The following VAV2 variants were observed in gnomAD, a reference collection of about 807,000 sequenced individuals.
VAV2 encodes guanine nucleotide exchange factor VAV2.
Under a neutral mutation model 132.5 loss-of-function variants are expected in VAV2, and 67 were observed. The ratio of observed to expected loss-of-function variants is 0.51; its 90% CI spans 0.42 to 0.62. VAV2 has a LOEUF of 0.62. Among genes scored for constraint, VAV2 ranks in the 20% least tolerant of loss-of-function variants. The pLI, the probability that VAV2 is intolerant of heterozygous loss-of-function variation, is 0.00. For missense variants in VAV2, 938 were observed against 1,153.6 expected, an observed-to-expected ratio of 0.81 and a Z score of 2.71; for synonymous variants, 492 against 443.5, an observed-to-expected ratio of 1.11 and a Z score of -1.37.
rs574097177 is a variant in VAV2 at position 133,905,280 on chromosome 9, C to CA, written c.321+33822dup. Among the ~76,000 whole-genome samples the CA allele has an allele frequency of 8.3e-4, 119 of 142,920 alleles. 1 individual carries two copies. Among genetic ancestry groups the CA allele is most frequent in the Middle Eastern group, 7.0e-3 (2 of 284 alleles). 93.8% of individuals were successfully genotyped at this position (142,920 alleles called of 152,430 possible). A position where few individuals can be genotyped will look rare whatever the true frequency, so the allele number is the denominator to read the frequency against. On this transcript the variant is annotated intron_variant, in intron 2 of 29. Transcript: ENST00000371850. ...CCCATCTCTACTAAAAAAAAAAATA[C>CA]AAAAAATTAGCCGGGCGTGGTGGCG...
rs569528227 is a variant in VAV2 at position 133,823,786 on chromosome 9, C to G, written c.449+10486G>C. Among the ~76,000 whole-genome samples, 1 of 152,134 alleles carries G rather than the reference C, an allele frequency of 6.6e-6. No homozygotes were observed. On this transcript the variant is annotated intron_variant, in intron 4 of 29. Transcript: ENST00000371850. The surrounding 1 kb of genome is among the most constrained non-coding windows in gnomAD (Gnocchi z 5.5). ...AATGAGACCAGAGAGTTGCTGTGAC[C>G]GAATCAGTCCTGAAAGCACTCGAGT...
rs183985166 is a variant in VAV2 at position 133,818,234 on chromosome 9, C to T, written c.450-6018G>A. On this transcript the variant is annotated intron_variant, in intron 4 of 29. Transcript: ENST00000371850. Reference sequence around the variant, plus strand: ...ACAAAAAATTAGCCAGGCATGGTGGCGGGCACCTGAAGTCCCAGCTACTCA... The same window carrying T: ...ACAAAAAATTAGCCAGGCATGGTGGTGGGCACCTGAAGTCCCAGCTACTCA... Among the ~76,000 whole-genome samples the T allele has an allele frequency of 8.2e-3, 1,247 of 152,100 alleles. 10 individuals are homozygous for T. Among genetic ancestry groups the T allele is most frequent in the Non-Finnish European group, 0.013 (896 of 67,976 alleles).
At chr9:133,842,235 C>T (rs1404979370) in intron 3 of VAV2, among the ~76,000 whole-genome samples, 2 of 152,176 alleles carry the variant, frequency 1.3e-5, no homozygotes, top group African/African-American at 4.8e-5. Context: ...TCCACTTGGC[C>T]GGTACAGAAA....
At chr9:133,820,322 TC>T (rs1486825716) in intron 4 of VAV2, among the ~76,000 whole-genome samples, 8 of 148,862 alleles carry the variant, frequency 5.4e-5, no homozygotes, top group African/African-American at 2.1e-4. Flanking sequence ...AGTTTCTTTT[TC>T]TTTTTCTTTT....
At position 133,804,210 on chromosome 9, in the gene VAV2, G is replaced by T. The variant is rs1835048490; in HGVS notation, c.836+1871C>A. Among the ~76,000 whole-genome samples the T allele has an allele frequency of 6.6e-6, 1 of 152,166 alleles. No individual in the cohort carries two copies. The highest frequency in any genetic ancestry group is 3.2e-3 in the Middle Eastern group (1 of 314). The stretch of plus-strand genomic sequence containing the variant: ...GCCGAATCCGAAATGAGAGGAAAGG[G>T]GCAAAAAAGCTGGATGCTGGGACAG... On this transcript the variant is annotated intron_variant, in intron 9 of 29. Coordinates refer to ENST00000371850, the MANE Select transcript of VAV2 (RefSeq NM_001134398.2). The surrounding 1 kb of genome is among the most constrained non-coding windows in gnomAD (Gnocchi z 4.5).
intron 4 of VAV2, among the ~76,000 whole-genome samples, chr9:133,821,458 G>T (rs1387071642): frequency 6.6e-6 from 1 of 152,168 alleles, no homozygotes; most frequent in Non-Finnish European, 1.5e-5. Context: ...TCTGCAACAG[G>T]AGAGTGACAG....
chr9:133,787,115 G>T, intron 16 of VAV2, 131 bp downstream of exon 16: 1 of 1,004,800 alleles, frequency 1.0e-6, no homozygotes, highest in Non-Finnish European at 1.3e-6. Flanking sequence ...AAAGGGAGTG[G>T]AGGACGAAGG....
intron 1 of VAV2, among the ~76,000 whole-genome samples, chr9:133,953,267 G>T (rs1352066859): frequency 6.6e-6 from 1 of 152,262 alleles, no homozygotes; most frequent in Non-Finnish European, 1.5e-5. Context: ...CCGGTGGCCA[G>T]CTGGTGGCAG....
intron 21 of VAV2, among the ~76,000 whole-genome samples, chr9:133,779,610 C>T (rs936246195): frequency 3.9e-5 from 6 of 152,234 alleles, no homozygotes; most frequent in African/African-American, 7.2e-5. Flanking sequence ...AGAACAGCAG[C>T]GCCTTTTGAT....
chr9:133,803,120 T>TC (rs1835001006), intron 9 of VAV2, among the ~76,000 whole-genome samples: 1 of 151,892 alleles, frequency 6.6e-6, no homozygotes, highest in African/African-American at 2.4e-5. Flanking sequence ...CCTCACTCGT[T>TC]CCAGGATTCC....
intron 9 of VAV2, among the ~76,000 whole-genome samples, chr9:133,801,869 C>A (rs928047685): frequency 6.6e-6 from 1 of 152,156 alleles, no homozygotes; most frequent in Non-Finnish European, 1.5e-5. Context: ...AGGAAGGATC[C>A]CCCTGAAGCC....
intron 27 of VAV2, 34 bp downstream of exon 27, chr9:133,770,344 G>C: frequency 6.2e-7 from 1 of 1,612,960 alleles, no homozygotes; most frequent in Non-Finnish European, 8.5e-7. Flanking sequence ...CCCCTCCGAG[G>C]AGTGCTGGTG....
chr9:133,778,337 T>A (rs1833888153), intron 22 of VAV2, among the ~76,000 whole-genome samples: 1 of 151,976 alleles, frequency 6.6e-6, no homozygotes, highest in Non-Finnish European at 1.5e-5. Context: ...CACCCCACGA[T>A]CATGCGAAGG....
intron 1 of VAV2, among the ~76,000 whole-genome samples, chr9:133,977,496 G>A (rs762767760): frequency 3.3e-5 from 5 of 152,228 alleles, no homozygotes; most frequent in Non-Finnish European, 5.9e-5. Context: ...GACAAGGATT[G>A]TCTAGGCACC....
intron 2 of VAV2, among the ~76,000 whole-genome samples, chr9:133,867,657 C>T (rs1175463962): frequency 1.3e-5 from 2 of 152,248 alleles, no homozygotes; most frequent in Non-Finnish European, 2.9e-5. Flanking sequence ...TTCAGTGCCC[C>T]GCAAGCCCTG....
At chr9:133,773,417 A>G (rs1263993241) in intron 25 of VAV2, among the ~76,000 whole-genome samples, 2 of 152,224 alleles carry the variant, frequency 1.3e-5, no homozygotes, top group Admixed American at 1.3e-4. Flanking sequence ...AAGGCCTAGG[A>G]CATTGCTGTG....
intron 1 of VAV2, among the ~76,000 whole-genome samples, chr9:133,986,076 A>G (rs1245807790): frequency 2.0e-5 from 3 of 152,222 alleles, no homozygotes; most frequent in Non-Finnish European, 4.4e-5. Flanking sequence ...AGATATTTAT[A>G]TTGACTCAAA....
At chr9:133,843,726 G>A (rs1836817518) in intron 3 of VAV2, among the ~76,000 whole-genome samples, 1 of 152,260 alleles carries the variant, frequency 6.6e-6, no homozygotes, top group Non-Finnish European at 1.5e-5. Context: ...CGGGCAGGGG[G>A]TAGATGAAGA....
At chr9:133,838,495 A>ATGGGTGGGTAAGTGGGTGGG (rs1434083980) in intron 3 of VAV2, among the ~76,000 whole-genome samples, 2 of 54,872 alleles carry the variant, frequency 3.6e-5, no homozygotes, top group South Asian at 9.4e-4. Flanking sequence ...GGATGGATGG[A>ATGGGTGGGTAAGTGGGTGGG]TGGGTGGGTA....
Sources: gnomAD v4.1 joint callset for allele counts (sites outside exome capture counted in the v4.1 genomes callset) on GRCh38, gnomAD v4.1.1 for gene constraint, Gnocchi (gnomAD v3.1) non-coding constraint, MANE v1.5 for transcripts, NCBI Gene and HGNC (gene_info 2026-07-23, HGNC 2026-07-21) for gene names.